The following FSTL5 variants were observed in gnomAD, a reference collection of about 807,000 sequenced individuals.
FSTL5 encodes the protein follistatin-related protein 5.
In FSTL5, 62 loss-of-function variants were observed where a neutral mutation model predicts 89.1. The ratio of observed to expected loss-of-function variants is 0.70; its 90% CI spans 0.57 to 0.86. FSTL5 has a LOEUF of 0.86. FSTL5 is among the 40% of genes least tolerant of loss of function. FSTL5 has a pLI of 0.00. For missense variants in FSTL5, 1,057 were observed against 1,001.6 expected (o/e 1.06, Z -0.75); for synonymous variants, 383 against 346.2 (o/e 1.11, Z -1.18).
chr4:161,531,246 G>A (rs1731403462), intron 10 of FSTL5, among the ~76,000 whole-genome samples: 1 of 152,132 alleles, frequency 6.6e-6, no homozygotes, highest in South Asian at 2.1e-4. Context: ...TAGGGTAGAA[G>A]CAAAACACAA....
At chr4:161,853,331 G>A (rs778712811) in intron 4 of FSTL5, among the ~76,000 whole-genome samples, 7 of 151,926 alleles carry the variant, frequency 4.6e-5, no homozygotes, top group African/African-American at 1.5e-4. Flanking sequence ...GCAGTGGCAC[G>A]ATCTCGGCTC....
intron 1 of FSTL5, among the ~76,000 whole-genome samples, chr4:162,157,221 G>A (rs1355261877): frequency 8.6e-5 from 13 of 152,002 alleles, no homozygotes; most frequent in Admixed American, 7.9e-4. Context: ...TACCTGCTGC[G>A]TATTGTATAG....
At position 161,838,365 on chromosome 4, in the gene FSTL5, G is replaced by A. The variant is rs868112115; in HGVS notation, c.410-62291C>T. ...GTGATCTCAGATCACTGCAACCTCC[G>A]CCTCCCAGGTTCATGCCATTCTCCT... On this transcript the variant is annotated intron_variant, in intron 4 of 15. Coordinates refer to ENST00000306100, the MANE Select transcript of FSTL5 (RefSeq NM_020116.5). Among the ~76,000 whole-genome samples, 35 of 152,208 alleles carry A rather than the reference G, an allele frequency of 2.3e-4. 1 individual carries two copies. Among genetic ancestry groups the A allele is most frequent in the Middle Eastern group, 6.8e-3 (2 of 294 alleles).
chr4:161,507,989 T>A (rs1006909201), intron 11 of FSTL5, among the ~76,000 whole-genome samples: 2 of 151,920 alleles, frequency 1.3e-5, no homozygotes, highest in African/African-American at 4.8e-5. Flanking sequence ...GGTAAATATA[T>A]AAATATAAAA....
At chr4:162,021,757 G>A (rs1737092680) in intron 3 of FSTL5, among the ~76,000 whole-genome samples, 1 of 152,086 alleles carries the variant, frequency 6.6e-6, no homozygotes, top group Non-Finnish European at 1.5e-5. Flanking sequence ...TGAAATAATA[G>A]ACATTGGAGA....
chr4:161,691,215 A>T (rs12507499), intron 6 of FSTL5, among the ~76,000 whole-genome samples: 6,155 of 152,098 alleles, frequency 0.04, 180 homozygotes, highest in Non-Finnish European at 0.055. Context: ...TTTTGAGTCA[A>T]ATTTTGAATA....
At chr4:161,830,807 C>T (rs1413445039) in intron 4 of FSTL5, among the ~76,000 whole-genome samples, 1 of 151,682 alleles carries the variant, frequency 6.6e-6, no homozygotes, top group Admixed American at 6.6e-5. Context: ...AGAAGTAAAC[C>T]AGCATTTCTT....
intron 2 of FSTL5, among the ~76,000 whole-genome samples, chr4:162,044,601 C>T (rs1189068698): frequency 6.6e-6 from 1 of 152,196 alleles, no homozygotes; most frequent in Non-Finnish European, 1.5e-5. Context: ...TGAAGTCAGA[C>T]ATTGACTTCT....
intron 3 of FSTL5, among the ~76,000 whole-genome samples, chr4:161,998,293 A>C (rs1736360179): frequency 6.6e-6 from 1 of 152,038 alleles, no homozygotes; most frequent in Non-Finnish European, 1.5e-5. Flanking sequence ...ATCCCACCAC[A>C]AGCCAGGGAT....
At chr4:161,849,837 T>C (rs547554709) in intron 4 of FSTL5, among the ~76,000 whole-genome samples, 1 of 152,296 alleles carries the variant, frequency 6.6e-6, no homozygotes, top group Non-Finnish European at 1.5e-5. Context: ...AGGGCTTTTC[T>C]TGTTTAATGA....
At chr4:161,837,962 C>T (rs1474321360) in intron 4 of FSTL5, among the ~76,000 whole-genome samples, 1 of 152,088 alleles carries the variant, frequency 6.6e-6, no homozygotes, top group African/African-American at 2.4e-5. Flanking sequence ...TAATGTTCAC[C>T]ATTTGACTTA....
intron 6 of FSTL5, among the ~76,000 whole-genome samples, chr4:161,745,783 G>T (rs1740180137): frequency 6.6e-6 from 1 of 151,932 alleles, no homozygotes; most frequent in South Asian, 2.1e-4. Flanking sequence ...TGTCACCTAT[G>T]TCATTTTCAG....
At chr4:161,444,967 G>A (rs551893632) in intron 15 of FSTL5, among the ~76,000 whole-genome samples, 1 of 151,966 alleles carries the variant, frequency 6.6e-6, no homozygotes, top group East Asian at 1.9e-4. Flanking sequence ...AAATTGCTTA[G>A]CTCAGTATCT....
At chr4:162,038,500 T>C (rs1002767553) in intron 2 of FSTL5, among the ~76,000 whole-genome samples, 3 of 151,872 alleles carry the variant, frequency 2.0e-5, no homozygotes, top group East Asian at 1.9e-4. Context: ...TTCAGTCAAA[T>C]TGGGATACAC....
rs528956306 is a variant in FSTL5, at chr4:161,912,310, T to C, written c.409+8094A>G. On this transcript the variant is annotated intron_variant, in intron 4 of 15. Transcript: ENST00000306100. ...AGTGAAATATCTATGGGAGGTGACA[T>C]GGTTTGGCTGTGTCCCCACCCAAAA... Among the ~76,000 whole-genome samples the C allele has an allele frequency of 3.3e-5, 5 of 152,100 alleles. No homozygotes were observed. In the South Asian group the frequency reaches 1.0e-3, roughly 32 times the overall value.
intron 1 of FSTL5, among the ~76,000 whole-genome samples, chr4:162,136,296 G>C (rs540484457): frequency 2.0e-5 from 3 of 152,104 alleles, no homozygotes; most frequent in Admixed American, 6.6e-5. Flanking sequence ...GGGCAAGACT[G>C]TAAGGGATGA....
At chr4:161,435,084 C>T (rs980305974) in intron 15 of FSTL5, among the ~76,000 whole-genome samples, 1 of 151,928 alleles carries the variant, frequency 6.6e-6, no homozygotes, top group Non-Finnish European at 1.5e-5. Context: ...ATATAACCCC[C>T]CAAAAAGGAA....
intron 8 of FSTL5, among the ~76,000 whole-genome samples, chr4:161,566,690 T>A (rs1282564047): frequency 6.6e-6 from 1 of 152,092 alleles, no homozygotes; most frequent in African/African-American, 2.4e-5. Flanking sequence ...TTGATTTGCA[T>A]TTCCCTGATG....
intron 1 of FSTL5, among the ~76,000 whole-genome samples, chr4:162,133,387 T>A (rs959823431): frequency 1.1e-4 from 16 of 152,144 alleles, no homozygotes; most frequent in Admixed American, 9.8e-4. Context: ...AAAACTCAGC[T>A]CTTTTGGTTC....
Sources: allele counts gnomAD v4.1 joint callset (sites outside exome capture counted in the v4.1 genomes callset), GRCh38; gene constraint gnomAD v4.1.1; transcripts MANE v1.5; gene names NCBI Gene and HGNC (gene_info 2026-07-23, HGNC 2026-07-21).